The following MGAT4C variants were observed in gnomAD, a reference collection of about 807,000 sequenced individuals.
MGAT4C encodes alpha-1,3-mannosyl-glycoprotein 4-beta-N-acetylglucosaminyltransferase C.
MGAT4C carries 19 observed loss-of-function variants against 40.1 expected under a neutral mutation model. The observed-to-expected ratio is 0.47, with a 90% CI of 0.33 to 0.70. The LOEUF is 0.70. Ranked by LOEUF, MGAT4C falls within the 30% of genes least tolerant of loss-of-function variation. The pLI, the probability that MGAT4C is intolerant of heterozygous loss-of-function variation, is 0.02. For synonymous variants in MGAT4C, 181 were observed against 187.1 expected (o/e 0.97, Z 0.27); for missense variants, 491 against 563.2 (o/e 0.87, Z 1.30).
At chr12:86,653,078 T>C (rs1002991861) in intron 2 of MGAT4C, among the ~76,000 whole-genome samples, 1 of 152,080 alleles carries the variant, frequency 6.6e-6, no homozygotes, top group East Asian at 1.9e-4. Context: ...AGTTAATTGA[T>C]ATTTTGCTTG....
At chr12:86,490,763 C>A (rs2136322665) in intron 2 of MGAT4C, among the ~76,000 whole-genome samples, 1 of 152,140 alleles carries the variant, frequency 6.6e-6, no homozygotes, top group African/African-American at 2.4e-5. Context: ...GTTTGCAATC[C>A]TAGTCTCTGA....
chr12:86,589,458 G>A (rs1328447488), intron 2 of MGAT4C, among the ~76,000 whole-genome samples: 6 of 151,888 alleles, frequency 4.0e-5, no homozygotes, highest in South Asian at 2.1e-4. Flanking sequence ...ATTCACAGCC[G>A]AATTCTACCA....
intron 2 of MGAT4C, among the ~76,000 whole-genome samples, chr12:86,457,255 A>T (rs1015974386): frequency 2.7e-4 from 41 of 152,088 alleles, no homozygotes; most frequent in Non-Finnish European, 8.8e-5. Context: ...TTCTTACTCC[A>T]TTCAGGCATA....
At chr12:86,677,062 G>T (rs761278725) in intron 2 of MGAT4C, among the ~76,000 whole-genome samples, 1 of 152,026 alleles carries the variant, frequency 6.6e-6, no homozygotes, top group Non-Finnish European at 1.5e-5. Context: ...AAGCCAGATT[G>T]CAGAGTGTTG....
At chr12:86,297,217 A>C (rs978767798) in intron 4 of MGAT4C, among the ~76,000 whole-genome samples, 2 of 152,202 alleles carry the variant, frequency 1.3e-5, no homozygotes, top group Admixed American at 6.5e-5. Flanking sequence ...AAAAGCTCTG[A>C]ATATTTAAGA....
At chr12:86,618,744 A>C (rs1197549712) in intron 2 of MGAT4C, among the ~76,000 whole-genome samples, 1 of 152,104 alleles carries the variant, frequency 6.6e-6, no homozygotes, top group Non-Finnish European at 1.5e-5. Context: ...AGATAGAATA[A>C]GTTTTAATAT....
chr12:86,298,505 T>C (rs1342465503), intron 4 of MGAT4C, among the ~76,000 whole-genome samples: 1 of 152,086 alleles, frequency 6.6e-6, no homozygotes, highest in African/African-American at 2.4e-5. Flanking sequence ...AATTCTGTCA[T>C]AAAGGAAGCA....
chr12:86,829,723 T>C (rs1039477020), intron 1 of MGAT4C, among the ~76,000 whole-genome samples: 1 of 151,330 alleles, frequency 6.6e-6, no homozygotes, highest in African/African-American at 2.4e-5. Flanking sequence ...TTTATAATTG[T>C]TGTTACTTAT....
intron 1 of MGAT4C, among the ~76,000 whole-genome samples, chr12:86,075,224 C>T (rs531603229): frequency 1.8e-4 from 28 of 152,152 alleles, no homozygotes; most frequent in Middle Eastern, 3.4e-3. Flanking sequence ...AATTGGCCAA[C>T]GCCAAGGGGT....
chr12:86,751,118 TG>T (rs1951225904), intron 1 of MGAT4C, among the ~76,000 whole-genome samples: 1 of 151,972 alleles, frequency 6.6e-6, no homozygotes, highest in African/African-American at 2.4e-5. Flanking sequence ...ATGGAGGGAA[TG>T]GGTTCATCAC....
intron 2 of MGAT4C, among the ~76,000 whole-genome samples, chr12:86,509,026 T>C (rs549578736): frequency 3.3e-5 from 5 of 152,238 alleles, no homozygotes; most frequent in East Asian, 1.9e-4. Flanking sequence ...TTCACTCTGA[T>C]GGTAGTTTCT....
intron 4 of MGAT4C, among the ~76,000 whole-genome samples, chr12:86,269,737 G>A (rs947465109): frequency 6.6e-6 from 1 of 151,914 alleles, no homozygotes; most frequent in African/African-American, 2.4e-5. Context: ...TTGAAATGAA[G>A]ATATTATGAG....
chr12:86,687,066 T>C (rs1309708611), intron 2 of MGAT4C, among the ~76,000 whole-genome samples: 3 of 152,214 alleles, frequency 2.0e-5, no homozygotes, highest in Non-Finnish European at 4.4e-5. Context: ...CCTGGTTTAG[T>C]CTTTGGATGA....
intron 1 of MGAT4C, among the ~76,000 whole-genome samples, chr12:86,196,487 A>G (rs1949810413): frequency 2.0e-5 from 3 of 152,184 alleles, no homozygotes; most frequent in Admixed American, 2.0e-4. Context: ...GACCAAAGAG[A>G]AAACACCTTT....
chr12:86,019,205 CTT>C (rs538974696), intron 2 of MGAT4C, among the ~76,000 whole-genome samples: 55 of 152,150 alleles, frequency 3.6e-4, no homozygotes, highest in Admixed American at 6.5e-4. Context: ...ATGAAAATAA[CTT>C]AAGTCTTTCA....
At chr12:86,614,135 C>T (rs1190428396) in intron 2 of MGAT4C, among the ~76,000 whole-genome samples, 5 of 152,004 alleles carry the variant, frequency 3.3e-5, no homozygotes, top group Admixed American at 1.3e-4. Context: ...TTTAGTGTGC[C>T]CATCATATAA....
At chr12:86,765,409 C>T (rs541450988) in intron 1 of MGAT4C, among the ~76,000 whole-genome samples, 15 of 152,186 alleles carry the variant, frequency 9.9e-5, no homozygotes, top group Admixed American at 2.6e-4. Flanking sequence ...CTGAAAGTGA[C>T]GGGTAGAATG....
intron 3 of MGAT4C, among the ~76,000 whole-genome samples, chr12:86,397,607 T>C (rs1484272983): frequency 6.6e-6 from 1 of 152,144 alleles, no homozygotes; most frequent in Admixed American, 6.5e-5. Context: ...CCCTGCTTTG[T>C]GTATATTAGC....
intron 2 of MGAT4C, among the ~76,000 whole-genome samples, chr12:86,688,390 G>A (rs1391494764): frequency 6.6e-6 from 1 of 152,030 alleles, no homozygotes; most frequent in Non-Finnish European, 1.5e-5. Context: ...CTGTCATTAT[G>A]ATGCCAGCTG....
Sources: allele counts gnomAD v4.1 joint callset (sites outside exome capture counted in the v4.1 genomes callset), GRCh38; gene constraint gnomAD v4.1.1; transcripts MANE v1.5; gene names NCBI Gene and HGNC (gene_info 2026-07-23, HGNC 2026-07-21).